HSD17B12: variants seen among roughly 807,000 people sequenced by gnomAD.
The protein encoded by HSD17B12 is very-long-chain 3-oxoacyl-CoA reductase.
Under a neutral mutation model 39.3 loss-of-function variants are expected in HSD17B12, and 32 were observed. The observed-to-expected ratio is 0.81, with a 90% confidence interval of 0.61 to 1.09. The LOEUF is 1.09. HSD17B12 is among the 50% of genes least tolerant of loss of function. The pLI, the probability that HSD17B12 is intolerant of heterozygous loss-of-function variation, is 0.00. For synonymous variants in HSD17B12, 150 were observed against 146.7 expected (o/e 1.02, Z -0.16); for missense variants, 342 against 382.9 (o/e 0.89, Z 0.89).
intron 3 of HSD17B12, among the ~76,000 whole-genome samples, chr11:43,784,525 T>C (rs893233989): frequency 1.3e-5 from 2 of 151,992 alleles, no homozygotes; most frequent in African/African-American, 4.8e-5. Flanking sequence ...TTTCACTTAT[T>C]AGTTGAAGTT....
At chr11:43,602,293 C>T in the HSD17B12 span, among the ~76,000 whole-genome samples, 3 of 152,318 alleles carry the variant, frequency 2.0e-5, no homozygotes, top group East Asian at 3.9e-4. Context: ...CCCCACCCCA[C>T]GTTCCCCATT....
At chr11:43,601,122 C>T in the HSD17B12 span, among the ~76,000 whole-genome samples, 1 of 150,934 alleles carries the variant, frequency 6.6e-6, no homozygotes, top group Admixed American at 6.6e-5. Flanking sequence ...TTTTTAATGA[C>T]ATTCTGGCAT....
At chr11:43,591,760 A>G in the HSD17B12 span, among the ~76,000 whole-genome samples, 4 of 152,002 alleles carry the variant, frequency 2.6e-5, no homozygotes, top group African/African-American at 9.7e-5. Flanking sequence ...TAACTTGTAA[A>G]CACTAAAGAT....
At chr11:43,629,186 A>G in the HSD17B12 span, among the ~76,000 whole-genome samples, 1 of 152,208 alleles carries the variant, frequency 6.6e-6, no homozygotes, top group Non-Finnish European at 1.5e-5. Flanking sequence ...ACAGAGAGGA[A>G]TATCATTGGA....
chr11:43,715,737 T>TG (rs1381331981), intron 1 of HSD17B12, among the ~76,000 whole-genome samples: 1 of 152,222 alleles, frequency 6.6e-6, no homozygotes, highest in East Asian at 1.9e-4. Flanking sequence ...AGAATTTGGC[T>TG]GTGAATCTGT....
intron 1 of HSD17B12, among the ~76,000 whole-genome samples, chr11:43,715,725 G>T (rs567178264): frequency 6.6e-6 from 1 of 152,114 alleles, no homozygotes; most frequent in East Asian, 1.9e-4. Context: ...TGTACCTCTC[G>T]TAGAATTTGG....
chr11:43,718,851 A>G (rs1249540982), intron 1 of HSD17B12: 17 of 872,326 alleles, frequency 1.9e-5, no homozygotes, highest in East Asian at 4.8e-5. Flanking sequence ...AAGCAGCCCA[A>G]ATATCCTCGG....
the HSD17B12 span, among the ~76,000 whole-genome samples, chr11:43,629,581 T>C: frequency 6.6e-6 from 1 of 152,238 alleles, no homozygotes. Context: ...TGGAGTTTAT[T>C]GAGCTTGTCT....
chr11:43,848,275 C>T (rs1286891255), intron 9 of HSD17B12: 2 of 152,184 alleles, frequency 1.3e-5, no homozygotes, highest in Admixed American at 1.3e-4. Context: ...ACTCAGATCC[C>T]TTCCAACCAG....
the HSD17B12 span, among the ~76,000 whole-genome samples, chr11:43,636,425 G>A: frequency 7.9e-5 from 12 of 152,156 alleles, no homozygotes; most frequent in Admixed American, 2.6e-4. Context: ...AAGAAGGAGC[G>A]TAGTTCAACA....
chr11:43,759,482 C>A (rs1950538511), intron 3 of HSD17B12, among the ~76,000 whole-genome samples: 2 of 152,166 alleles, frequency 1.3e-5, no homozygotes, highest in South Asian at 4.2e-4. Flanking sequence ...ATGTAATAAG[C>A]TTATTTTATT....
chr11:43,712,511 T>G (rs1272378843), intron 1 of HSD17B12, among the ~76,000 whole-genome samples: 1 of 152,110 alleles, frequency 6.6e-6, no homozygotes, highest in Non-Finnish European at 1.5e-5. Context: ...ATAATAACTC[T>G]TTCAACCAAT....
At chr11:43,782,403 G>A (rs921225847) in intron 3 of HSD17B12, among the ~76,000 whole-genome samples, 9 of 152,216 alleles carry the variant, frequency 5.9e-5, no homozygotes, top group South Asian at 4.1e-4. Context: ...AACCATGGCC[G>A]GGTACGGTGG....
At chr11:43,693,929 G>C (rs762948081) in intron 1 of HSD17B12, among the ~76,000 whole-genome samples, 31 of 152,170 alleles carry the variant, frequency 2.0e-4, no homozygotes, top group Non-Finnish European at 4.4e-4. Context: ...CGTGGAACAG[G>C]AAGCTACTGC....
chr11:43,755,767 T>C (rs1320842442), intron 3 of HSD17B12, among the ~76,000 whole-genome samples: 1 of 152,222 alleles, frequency 6.6e-6, no homozygotes, highest in African/African-American at 2.4e-5. Flanking sequence ...TTCCAGACCA[T>C]AGCTGGTCCT....
At chr11:43,656,824 TGTG>T in the HSD17B12 span, among the ~76,000 whole-genome samples, 2 of 152,216 alleles carry the variant, frequency 1.3e-5, no homozygotes, top group African/African-American at 4.8e-5. Context: ...CTTCCAACTA[TGTG>T]GTCAATTTTG....
chr11:43,664,719 C>T, the HSD17B12 span, among the ~76,000 whole-genome samples: 2 of 152,132 alleles, frequency 1.3e-5, no homozygotes, highest in African/African-American at 4.8e-5. Flanking sequence ...CTTGGGGGTG[C>T]CCACAAGTCC....
At chr11:43,668,533 A>G in the HSD17B12 span, among the ~76,000 whole-genome samples, 93 of 152,338 alleles carry the variant, frequency 6.1e-4, no homozygotes, top group South Asian at 1.2e-3. Context: ...TTAGAAGGTC[A>G]TTATTCTGCC....
At chr11:43,764,966 G>A (rs1350776928) in intron 3 of HSD17B12, among the ~76,000 whole-genome samples, 1 of 150,544 alleles carries the variant, frequency 6.6e-6, no homozygotes, top group Non-Finnish European at 1.5e-5. Context: ...TATTCTGTCT[G>A]TTCTTTGTTC....
Sources: gnomAD v4.1 joint callset for allele counts (sites outside exome capture counted in the v4.1 genomes callset) on GRCh38, gnomAD v4.1.1 for gene constraint, MANE v1.5 for transcripts, NCBI Gene and HGNC (gene_info 2026-07-23, HGNC 2026-07-21) for gene names.